The following GABRB1 variants were observed in gnomAD, a reference collection of about 807,000 sequenced individuals.
GABRB1 encodes gamma-aminobutyric acid type A receptor subunit beta1.
Under a neutral mutation model 51.6 loss-of-function variants are expected in GABRB1, and 17 were observed. The observed-to-expected ratio is 0.33, with a 90% CI of 0.23 to 0.49. The LOEUF (loss-of-function observed/expected upper bound fraction) is 0.49. Ranked by LOEUF, GABRB1 falls within the 20% of genes least tolerant of loss-of-function variation. GABRB1 has a pLI of 0.99. For missense variants in GABRB1, 410 were observed against 600.6 expected (o/e 0.68, Z 3.32); for synonymous variants, 247 against 218.9 (o/e 1.13, Z -1.14).
At chr4:47,091,213 A>G (rs1470115400) in intron 3 of GABRB1, among the ~76,000 whole-genome samples, 1 of 152,166 alleles carries the variant, frequency 6.6e-6, no homozygotes, top group African/African-American at 2.4e-5. Flanking sequence ...ATCCTGCTCA[A>G]AAAAGTCCGT....
intron 3 of GABRB1, among the ~76,000 whole-genome samples, chr4:47,077,993 A>AAT (rs1553914121): frequency 7.6e-6 from 1 of 130,968 alleles, no homozygotes; most frequent in Non-Finnish European, 1.6e-5. Flanking sequence ...TATAATATAT[A>AAT]ATATATATAT....
intron 5 of GABRB1, among the ~76,000 whole-genome samples, chr4:47,380,318 A>G (rs898371861): frequency 1.3e-5 from 2 of 152,212 alleles, no homozygotes; most frequent in African/African-American, 2.4e-5. Context: ...GCGGACTTTC[A>G]GTGATAAATA....
intron 4 of GABRB1, among the ~76,000 whole-genome samples, chr4:47,184,405 C>T (rs146456428): frequency 8.8e-4 from 134 of 151,888 alleles, no homozygotes; most frequent in African/African-American, 3.0e-3. Flanking sequence ...TTGAAATGAA[C>T]GAATGAATAA....
At chr4:47,238,599 A>G (rs1165706508) in intron 4 of GABRB1, among the ~76,000 whole-genome samples, 1 of 152,182 alleles carries the variant, frequency 6.6e-6, no homozygotes, top group Non-Finnish European at 1.5e-5. Context: ...CTTCATGTGA[A>G]TAGCTCCACT....
chr4:47,017,694 G>T (rs1724790727), intron 1 of GABRB1, among the ~76,000 whole-genome samples: 1 of 151,888 alleles, frequency 6.6e-6, no homozygotes, highest in South Asian at 2.1e-4. Context: ...CTGAAATATT[G>T]TCAAGATACT....
intron 5 of GABRB1, among the ~76,000 whole-genome samples, chr4:47,403,070 G>A (rs955399337): frequency 6.6e-6 from 1 of 152,170 alleles, no homozygotes; most frequent in Non-Finnish European, 1.5e-5. Flanking sequence ...TAAATTTGCA[G>A]CAATGACATC....
chr4:47,058,633 T>C (rs1462316740), intron 3 of GABRB1, among the ~76,000 whole-genome samples: 2 of 152,018 alleles, frequency 1.3e-5, no homozygotes, highest in African/African-American at 4.8e-5. Context: ...GCCCTGGGGG[T>C]AATGCAGGCT....
chr4:47,204,237 T>C (rs979150538), intron 4 of GABRB1, among the ~76,000 whole-genome samples: 1 of 152,142 alleles, frequency 6.6e-6, no homozygotes, highest in Admixed American at 6.6e-5. Context: ...GGCATTTCTG[T>C]TCACAGCTGG....
intron 3 of GABRB1, among the ~76,000 whole-genome samples, chr4:47,048,889 T>C (rs551398587): frequency 1.3e-5 from 2 of 152,190 alleles, no homozygotes; most frequent in East Asian, 1.9e-4. Flanking sequence ...GATCTTTTAT[T>C]ATTTCTCTAA....
At chr4:47,377,222 C>T (rs1727415816) in intron 5 of GABRB1, among the ~76,000 whole-genome samples, 1 of 152,154 alleles carries the variant, frequency 6.6e-6, no homozygotes, top group African/African-American at 2.4e-5. Flanking sequence ...CCGCTCACTG[C>T]AACCTCCACC....
chr4:47,158,517 C>T (rs992305187), intron 3 of GABRB1, among the ~76,000 whole-genome samples: 6 of 151,972 alleles, frequency 3.9e-5, no homozygotes, highest in South Asian at 2.1e-4. Flanking sequence ...AGGATTTTGC[C>T]GCAGGTTTCA....
At chr4:47,005,398 A>G (rs1239658681) in intron 1 of GABRB1, among the ~76,000 whole-genome samples, 1 of 152,136 alleles carries the variant, frequency 6.6e-6, no homozygotes, top group East Asian at 1.9e-4. Context: ...AGCATGGGCG[A>G]CAGAGTGGGA....
chr4:47,110,989 T>C (rs1005317850), intron 3 of GABRB1, among the ~76,000 whole-genome samples: 4 of 152,214 alleles, frequency 2.6e-5, no homozygotes, highest in African/African-American at 9.6e-5. Context: ...CAAAAAAGGA[T>C]ATTATAACAT....
chr4:47,360,632 C>T (rs1013708033), intron 5 of GABRB1, among the ~76,000 whole-genome samples: 10 of 152,032 alleles, frequency 6.6e-5, no homozygotes, highest in Non-Finnish European at 1.3e-4. Context: ...TACAGTTAGT[C>T]CTACAAATAG....
chr4:47,255,364 T>A (rs1315486045), intron 4 of GABRB1, among the ~76,000 whole-genome samples: 1 of 152,254 alleles, frequency 6.6e-6, no homozygotes, highest in Non-Finnish European at 1.5e-5. Flanking sequence ...CCTTTCTGAA[T>A]AAATACTTGT....
chr4:47,240,471 G>C (rs916101905), intron 4 of GABRB1, among the ~76,000 whole-genome samples: 1 of 152,132 alleles, frequency 6.6e-6, no homozygotes, highest in African/African-American at 2.4e-5. Flanking sequence ...AAATTGCATT[G>C]ATCCAATGCC....
At chr4:47,096,127 G>C (rs1714419403) in intron 3 of GABRB1, among the ~76,000 whole-genome samples, 1 of 152,114 alleles carries the variant, frequency 6.6e-6, no homozygotes, top group Non-Finnish European at 1.5e-5. Flanking sequence ...TATATCTCCA[G>C]TGATCTCCTC....
intron 5 of GABRB1, among the ~76,000 whole-genome samples, chr4:47,391,588 C>G (rs1265382024): frequency 6.6e-6 from 1 of 152,174 alleles, no homozygotes; most frequent in Non-Finnish European, 1.5e-5. Flanking sequence ...ACTTCTGTCA[C>G]TTAGTTAACT....
At chr4:47,136,639 A>G (rs895573626) in intron 3 of GABRB1, among the ~76,000 whole-genome samples, 31 of 152,114 alleles carry the variant, frequency 2.0e-4, no homozygotes, top group Non-Finnish European at 4.4e-4. Flanking sequence ...GAAATAAAAA[A>G]GTGAATAGAA....
Sources: gnomAD v4.1 joint callset for allele counts (sites outside exome capture counted in the v4.1 genomes callset) on GRCh38, gnomAD v4.1.1 for gene constraint, MANE v1.5 for transcripts, NCBI Gene and HGNC (gene_info 2026-07-23, HGNC 2026-07-21) for gene names.